AKT3: variants seen among roughly 807,000 people sequenced by gnomAD.
The protein encoded by AKT3 is RAC-gamma serine/threonine-protein kinase.
Under a neutral mutation model 65.3 loss-of-function variants are expected in AKT3, and 15 were observed. The observed-to-expected ratio is 0.23, with a 90% confidence interval of 0.15 to 0.35. AKT3 has a LOEUF of 0.35. Among genes scored for constraint, AKT3 ranks in the 10% least tolerant of loss-of-function variants. The pLI, the probability that AKT3 is intolerant of heterozygous loss-of-function variation, is 1.00. For synonymous variants in AKT3, 206 were observed against 183.8 expected (o/e 1.12, Z -0.98); for missense variants, 243 against 576.5 (o/e 0.42, Z 5.92).
chr1:243,714,014 A>G (rs1686332648), intron 2 of AKT3, among the ~76,000 whole-genome samples: 1 of 152,184 alleles, frequency 6.6e-6, no homozygotes, highest in Non-Finnish European at 1.5e-5. Context: ...TCTGCTGCAG[A>G]GTAGATAAAT....
At chr1:243,773,203 A>AT (rs1491116934) in intron 2 of AKT3, among the ~76,000 whole-genome samples, 1 of 145,624 alleles carries the variant, frequency 6.9e-6, no homozygotes, top group Non-Finnish European at 1.5e-5. Flanking sequence ...ATATATATAT[A>AT]AAAAATATAT....
At chr1:243,662,093 T>G (rs1451723766) in intron 4 of AKT3, among the ~76,000 whole-genome samples, 55 of 150,922 alleles carry the variant, frequency 3.6e-4, no homozygotes, top group Middle Eastern at 3.4e-3. Flanking sequence ...TAGGAACACT[T>G]TTACACTGTT....
intron 2 of AKT3, among the ~76,000 whole-genome samples, chr1:243,723,750 C>G (rs1013230353): frequency 6.6e-6 from 1 of 151,946 alleles, no homozygotes; most frequent in African/African-American, 2.4e-5. Context: ...GATCCTGTCT[C>G]TACAAAAAAT....
chr1:243,626,267 T>C (rs890309555), intron 6 of AKT3, among the ~76,000 whole-genome samples: 1 of 152,100 alleles, frequency 6.6e-6, no homozygotes. Context: ...ACAAAACAGA[T>C]AGTCAACGAA....
chr1:243,505,467 A>C (rs894534811), intron 13 of AKT3, 133 bp from the exon 14 acceptor site: 4 of 678,916 alleles, frequency 5.9e-6, no homozygotes, highest in African/African-American at 5.4e-5. Context: ...TGTGTTCATC[A>C]ATAAGCTGTA....
At chr1:243,811,579 G>A (rs1179100632) in intron 2 of AKT3, among the ~76,000 whole-genome samples, 2 of 152,142 alleles carry the variant, frequency 1.3e-5, no homozygotes, top group Admixed American at 6.5e-5. Context: ...TCAATATTGT[G>A]AAAATGGCCA....
chr1:243,844,620 A>G (rs1462654848), intron 1 of AKT3, among the ~76,000 whole-genome samples: 1 of 152,172 alleles, frequency 6.6e-6, no homozygotes, highest in Non-Finnish European at 1.5e-5. Context: ...GACTACAGGC[A>G]GGCATCACCA....
At chr1:243,548,123 C>G (rs1379325168) in intron 11 of AKT3, 1 of 152,160 alleles carries the variant, frequency 6.6e-6, no homozygotes, top group Non-Finnish European at 1.5e-5. Flanking sequence ...ACCAGAGAAG[C>G]AAAAGCACCA....
intron 2 of AKT3, among the ~76,000 whole-genome samples, chr1:243,713,655 A>AC (rs1301680542): frequency 2.3e-5 from 3 of 130,210 alleles, no homozygotes; most frequent in Non-Finnish European, 4.7e-5. Context: ...CCTCCATCCT[A>AC]CCCCCCTAAA....
In AKT3 at chr1:243,683,434, GTTACT is replaced by G. The variant is rs945571719; in HGVS notation, c.172+12152_172+12156del. Among the ~76,000 whole-genome samples, 82 of 152,112 alleles carry G rather than the reference GTTACT, an allele frequency of 5.4e-4. 1 individual carries two copies. Among genetic ancestry groups the G allele is most frequent in the African/African-American group, 1.9e-3 (77 of 41,496 alleles). On this transcript the variant is annotated intron_variant, in intron 3 of 13. Transcript: ENST00000673466. ...GATGACTCCTATGTTTCCAAATTGTGTTACTTTAAGTCAAACACATACACACAAGG... is the reference window on the plus strand; with the variant it reads ...GATGACTCCTATGTTTCCAAATTGTGTTAAGTCAAACACATACACACAAGG...
chr1:243,544,593 C>T (rs1243861313), intron 12 of AKT3, among the ~76,000 whole-genome samples: 1 of 151,972 alleles, frequency 6.6e-6, no homozygotes, highest in East Asian at 1.9e-4. Context: ...TGCACTCCAG[C>T]CTGGCCAACA....
intron 8 of AKT3, among the ~76,000 whole-genome samples, chr1:243,594,004 A>G (rs920884193): frequency 6.6e-6 from 1 of 152,250 alleles, no homozygotes. Flanking sequence ...GAATGGAAGT[A>G]AAACTGCTAT....
intron 8 of AKT3, among the ~76,000 whole-genome samples, chr1:243,590,363 C>A (rs1391575231): frequency 6.6e-6 from 1 of 151,938 alleles, no homozygotes; most frequent in Non-Finnish European, 1.5e-5. Flanking sequence ...AAAATTTATA[C>A]AATTTTATTT....
At chr1:243,803,645 TACACACAC>T (rs72379577) in intron 2 of AKT3, among the ~76,000 whole-genome samples, 21,472 of 136,528 alleles carry the variant, frequency 0.16, 1,740 homozygotes, top group Non-Finnish European at 0.19. Context: ...GACGTACATG[TACACACAC>T]ACACACACAC....
intron 2 of AKT3, among the ~76,000 whole-genome samples, chr1:243,777,018 T>C (rs568464392): frequency 3.9e-5 from 6 of 152,226 alleles, no homozygotes; most frequent in African/African-American, 1.2e-4. Context: ...GTGGGTTAAA[T>C]AAAGTAAAAC....
intron 12 of AKT3, among the ~76,000 whole-genome samples, chr1:243,519,793 T>C (rs1044642819): frequency 2.1e-4 from 32 of 152,130 alleles, no homozygotes; most frequent in Admixed American, 1.2e-3. Context: ...AAAAAGCTTT[T>C]AAAGAGTATT....
chr1:243,637,753 C>A lies in AKT3; in HGVS notation c.430-11G>T. The stretch of plus-strand genomic sequence containing the variant: ...AAAATCATTCATTGTCTGAAAAATA[C>A]AAATTAAAAAATATAATATGAAGTA... On this transcript the variant is annotated splice_polypyrimidine_tract_variant and intron_variant, in intron 5 of 13. Coordinates refer to ENST00000673466, the MANE Select transcript of AKT3 (RefSeq NM_005465.7). 1.3e-6 allele frequency: 2 copies of A among 1,493,286 alleles called. No homozygotes were observed. The highest frequency in any genetic ancestry group is 2.4e-5 in the South Asian group (2 of 84,690). The allele number at this position is 1,493,286 out of a possible 1,614,324, so 92.5% of individuals were successfully genotyped here.
At chr1:243,744,738 C>CAAAAAAAAAAA in intron 2 of AKT3, among the ~76,000 whole-genome samples, 1 of 53,252 alleles carries the variant, frequency 1.9e-5, no homozygotes, top group Non-Finnish European at 4.0e-5. Context: ...GACTCCGTCT[C>CAAAAAAAAAAA]AAAAAAAAAA....
chr1:243,560,102 C>T (rs1390506079), intron 10 of AKT3, among the ~76,000 whole-genome samples: 1 of 152,098 alleles, frequency 6.6e-6, no homozygotes, highest in Non-Finnish European at 1.5e-5. Context: ...CTCCTCTCTT[C>T]CTGCTTCCCC....
Sources: gnomAD v4.1 joint callset for allele counts (sites outside exome capture counted in the v4.1 genomes callset) on GRCh38, gnomAD v4.1.1 for gene constraint, MANE v1.5 for transcripts, NCBI Gene and HGNC (gene_info 2026-07-23, HGNC 2026-07-21) for gene names.